ADAMTSL1: variants seen among roughly 807,000 people sequenced by gnomAD.
ADAMTSL1 encodes the protein ADAMTS-like protein 1.
Under a neutral mutation model 201.8 loss-of-function variants are expected in ADAMTSL1, and 126 were observed. The observed-to-expected ratio is 0.62, with a 90% CI of 0.54 to 0.72. The LOEUF is 0.72. ADAMTSL1 is among the 30% of genes least tolerant of loss of function. ADAMTSL1 has a pLI of 0.00. For missense variants in ADAMTSL1, 2,679 were observed against 2,277.8 expected (o/e 1.18, Z -3.59); for synonymous variants, 1,121 against 903.4 (o/e 1.24, Z -4.32).
intron 5 of ADAMTSL1, among the ~76,000 whole-genome samples, chr9:18,630,593 T>C (rs1826696908): frequency 6.6e-6 from 1 of 152,202 alleles, no homozygotes; most frequent in African/African-American, 2.4e-5. Context: ...CTAGGAACTC[T>C]ATCAAGGCAG....
At position 18,283,916 on chromosome 9, in the gene ADAMTSL1, T is replaced by TAAAAAAAAAAAAAAAAAAAAAAAAAA. The variant is rs71333034; in HGVS notation, c.207+119949_207+119950insAAAAAAAAAAAAAAAAAAAAAAAAAA. Among the ~76,000 whole-genome samples, 14 of 26,558 alleles carry TAAAAAAAAAAAAAAAAAAAAAAAAAA rather than the reference T, an allele frequency of 5.3e-4. 1 individual carries two copies. The highest frequency in any genetic ancestry group is 2.0e-3 in the African/African-American group (13 of 6,408). 17.4% of individuals were successfully genotyped at this position (26,558 alleles called of 152,430 possible). A position where few individuals can be genotyped will look rare whatever the true frequency, so the allele number is the denominator to read the frequency against. Reference sequence around the variant, plus strand: ...CTGGGCAACAGAGCAAGACTCCGTCTAAAAAAAAAAAAAAGAAGAAGAAGA... The same window carrying TAAAAAAAAAAAAAAAAAAAAAAAAAA: ...CTGGGCAACAGAGCAAGACTCCGTCTAAAAAAAAAAAAAAAAAAAAAAAAAAAAAAAAAAAAAAAAGAAGAAGAAGA... On this transcript the variant is annotated intron_variant, in intron 2 of 29. Coordinates refer to the ADAMTSL1 transcript ENST00000680146.
At chr9:18,022,519 G>C (rs992198349) in intron 1 of ADAMTSL1, among the ~76,000 whole-genome samples, 4 of 152,014 alleles carry the variant, frequency 2.6e-5, no homozygotes, top group African/African-American at 9.7e-5. Flanking sequence ...CCTCTAGGTT[G>C]TCGCATAAAG....
At chr9:18,555,416 T>C (rs1821046380) in intron 3 of ADAMTSL1, among the ~76,000 whole-genome samples, 1 of 151,982 alleles carries the variant, frequency 6.6e-6, no homozygotes, top group Non-Finnish European at 1.5e-5. Flanking sequence ...AAAGCTATTA[T>C]TTTTAGTCAC....
At position 18,149,325 on chromosome 9, in the gene ADAMTSL1, C is replaced by A. The variant is rs900835932; in HGVS notation, c.88-14537C>A. Reference sequence around the variant, plus strand: ...GATGATCATGGTGGGTTCAGAAGGCCAGAAGCCATCCAATGTTGCTAAAGC... The same window carrying A: ...GATGATCATGGTGGGTTCAGAAGGCAAGAAGCCATCCAATGTTGCTAAAGC... On this transcript the variant is annotated intron_variant, in intron 1 of 29. Coordinates refer to the ADAMTSL1 transcript ENST00000680146. Among the ~76,000 whole-genome samples the A allele has an allele frequency of 6.5e-4, 99 of 151,898 alleles. 1 individual carries two copies. Among genetic ancestry groups the A allele is most frequent in the Non-Finnish European group, 2.1e-4 (14 of 67,976 alleles).
At chr9:18,704,896 T>C (rs1018388832) in intron 13 of ADAMTSL1, among the ~76,000 whole-genome samples, 3 of 152,240 alleles carry the variant, frequency 2.0e-5, no homozygotes, top group African/African-American at 7.2e-5. Flanking sequence ...TCCACCTTCC[T>C]GACAAGGTTA....
intron 2 of ADAMTSL1, among the ~76,000 whole-genome samples, chr9:18,298,969 G>A (rs1287067077): frequency 1.3e-5 from 2 of 149,688 alleles, no homozygotes; most frequent in South Asian, 2.1e-4. Flanking sequence ...CCGAGATGGC[G>A]CCACTGCACT....
chr9:17,992,459 T>C (rs1157008911), intron 1 of ADAMTSL1, among the ~76,000 whole-genome samples: 3 of 151,840 alleles, frequency 2.0e-5, no homozygotes, highest in Non-Finnish European at 3.0e-5. Flanking sequence ...TTGCCAACTT[T>C]GTTTCTTTTC....
At chr9:18,349,621 G>A (rs1835875270) in intron 2 of ADAMTSL1, among the ~76,000 whole-genome samples, 1 of 152,106 alleles carries the variant, frequency 6.6e-6, no homozygotes, top group Admixed American at 6.6e-5. Flanking sequence ...AAAATATTTG[G>A]TATCCTTTTC....
chr9:18,333,865 C>A (rs547376836), intron 2 of ADAMTSL1, among the ~76,000 whole-genome samples: 19 of 151,978 alleles, frequency 1.3e-4, no homozygotes, highest in Non-Finnish European at 2.5e-4. Context: ...TAATTCACAC[C>A]CTTGAGAATC....
chr9:18,363,379 A>C (rs1411153), intron 2 of ADAMTSL1, among the ~76,000 whole-genome samples: 134,594 of 152,264 alleles, frequency 0.88, 59,585 homozygotes, highest in East Asian at 0.99. Flanking sequence ...ATAAGCCGAC[A>C]AGCGTATACA....
chr9:18,428,434 CAAAAAAAAA>C lies in ADAMTSL1; in HGVS notation c.208-76387_208-76379del, dbSNP rs368935296. 2.1e-4 allele frequency among the ~76,000 whole-genome samples: 25 copies of C among 119,608 alleles called. 1 individual carries two copies. Among genetic ancestry groups the C allele is most frequent in the African/African-American group, 7.5e-4 (23 of 30,862 alleles). 78.5% of individuals were successfully genotyped at this position (119,608 alleles called of 152,430 possible). A position where few individuals can be genotyped will look rare whatever the true frequency, so the allele number is the denominator to read the frequency against. On this transcript the variant is annotated intron_variant, in intron 2 of 29. Transcript: ENST00000680146. ...TAATATTGTGAGACCCCTATGTCTA[CAAAAAAAAA>C]AAAAAAAGAAAAGAAAAGAAAAATT...
chr9:18,263,299 T>C (rs1831993200), intron 2 of ADAMTSL1, among the ~76,000 whole-genome samples: 2 of 152,206 alleles, frequency 1.3e-5, no homozygotes, highest in Admixed American at 6.5e-5. Flanking sequence ...TCTAACATTA[T>C]TGAAACTCCA....
chr9:18,496,965 G>A (rs1412382109), intron 1 of ADAMTSL1, among the ~76,000 whole-genome samples: 2 of 152,190 alleles, frequency 1.3e-5, no homozygotes, highest in Non-Finnish European at 2.9e-5. Flanking sequence ...AGAGAATTTC[G>A]TTTGAGGGGG....
At chr9:18,250,151 A>C (rs187736240) in intron 2 of ADAMTSL1, among the ~76,000 whole-genome samples, 2 of 152,342 alleles carry the variant, frequency 1.3e-5, no homozygotes, top group Admixed American at 6.5e-5. Context: ...ATTCTATTTT[A>C]AGTACATTTG....
intron 2 of ADAMTSL1, among the ~76,000 whole-genome samples, chr9:18,527,833 T>C (rs1928535): frequency 0.25 from 38,165 of 151,978 alleles, 5,275 homozygotes; most frequent in East Asian, 0.64. Context: ...ATTAAGCAAA[T>C]AAGGAATTTT....
intron 2 of ADAMTSL1, among the ~76,000 whole-genome samples, chr9:18,241,908 C>T (rs1831079796): frequency 1.3e-5 from 2 of 151,948 alleles, no homozygotes; most frequent in Admixed American, 1.3e-4. Context: ...AAACCTCATG[C>T]CTTCATAGTT....
At chr9:17,951,852 C>G (rs1404949424) in intron 1 of ADAMTSL1, among the ~76,000 whole-genome samples, 1 of 152,068 alleles carries the variant, frequency 6.6e-6, no homozygotes, top group Non-Finnish European at 1.5e-5. Flanking sequence ...GGGTGTCACT[C>G]TGTCACTGAG....
At chr9:18,116,945 G>A (rs1256936654) in intron 1 of ADAMTSL1, among the ~76,000 whole-genome samples, 1 of 152,076 alleles carries the variant, frequency 6.6e-6, no homozygotes, top group Non-Finnish European at 1.5e-5. Context: ...TCTACCTGTG[G>A]CATTCTCTGT....
At chr9:18,125,414 A>C (rs1464974763) in intron 1 of ADAMTSL1, among the ~76,000 whole-genome samples, 1 of 152,188 alleles carries the variant, frequency 6.6e-6, no homozygotes, top group Non-Finnish European at 1.5e-5. Flanking sequence ...GGGTAGGGAC[A>C]CACCCAAACC....
Sources: gnomAD v4.1 joint callset for allele counts (sites outside exome capture counted in the v4.1 genomes callset) on GRCh38, gnomAD v4.1.1 for gene constraint, MANE v1.5 for transcripts, NCBI Gene and HGNC (gene_info 2026-07-23, HGNC 2026-07-21) for gene names.